Variants in CNOT2 observed in about 807,000 individuals in gnomAD.
CNOT2 encodes the protein CCR4-NOT transcription complex subunit 2, also known as CC chemokine receptor 4-negative regulator of transcription 2.
CNOT2 carries 7 observed loss-of-function variants against 72.1 expected under a neutral mutation model. The observed-to-expected ratio is 0.10, with a 90% CI of 0.06 to 0.18. The LOEUF (loss-of-function observed/expected upper bound fraction) is 0.18. Among genes scored for constraint, CNOT2 ranks in the 10% least tolerant of loss-of-function variants. The pLI is 1.00. For missense variants in CNOT2, 345 were observed against 660.3 expected, an observed-to-expected ratio of 0.52 and a Z score of 5.23; for synonymous variants, 196 against 225.6, an observed-to-expected ratio of 0.87 and a Z score of 1.17.
intron 15 of CNOT2, among the ~76,000 whole-genome samples, chr12:70,351,334 T>C (rs1176967125): frequency 1.3e-5 from 2 of 152,098 alleles, no homozygotes; most frequent in African/African-American, 2.4e-5. Context: ...ATGTATGAGG[T>C]TGTGCATGTG....
In CNOT2 at chr12:70,278,168, C is replaced by T; in HGVS notation, c.-59C>T. 7.5e-7 allele frequency: 1 copy of T among 1,337,870 alleles called. No homozygotes were observed. The highest frequency in any genetic ancestry group is 1.1e-6 in the Non-Finnish European group (1 of 934,520). 82.9% of individuals were successfully genotyped at this position (1,337,870 alleles called of 1,614,324 possible). The stretch of plus-strand genomic sequence containing the variant: ...GTGGGCGGTCCTTCCTGTGACACGA[C>T]CCTTGAGTGACAGTTCTATTTGATT... On this transcript the variant is annotated 5_prime_UTR_variant, in exon 2 of 16. Transcript: ENST00000229195.
At chr12:70,262,933 A>C (rs200818958) in intron 1 of CNOT2, among the ~76,000 whole-genome samples, 31,469 of 151,910 alleles carry the variant, frequency 0.21, 3,578 homozygotes, top group African/African-American at 0.3. Context: ...TCGGCCTCTC[A>C]AAGTACTGAG....
chr12:70,262,661 T>G (rs546631153), intron 1 of CNOT2, among the ~76,000 whole-genome samples: 2 of 151,820 alleles, frequency 1.3e-5, no homozygotes, highest in East Asian at 1.9e-4. Flanking sequence ...TTATTTTGCC[T>G]TATTTTTTTT....
At chr12:70,267,479 T>C (rs184594088) in intron 1 of CNOT2, among the ~76,000 whole-genome samples, 30 of 152,348 alleles carry the variant, frequency 2.0e-4, no homozygotes, top group Non-Finnish European at 1.0e-4. Context: ...CCAGTATGAC[T>C]TCCTGTTAAT....
chr12:70,278,302 C>T (rs369177196), intron 2 of CNOT2, 28 bp downstream of exon 2: 218 of 1,515,944 alleles, frequency 1.4e-4, no homozygotes, highest in South Asian at 1.0e-3. Flanking sequence ...TCTTTTTTCT[C>T]TATTGGTCTT....
chr12:70,288,454 T>G (rs1247881946), intron 2 of CNOT2, among the ~76,000 whole-genome samples: 2 of 152,110 alleles, frequency 1.3e-5, no homozygotes, highest in African/African-American at 4.8e-5. Context: ...TCAGCCAGGG[T>G]GTAACATTTT....
chr12:70,308,853 T>G (rs1368503266), intron 2 of CNOT2, among the ~76,000 whole-genome samples: 1 of 152,192 alleles, frequency 6.6e-6, no homozygotes, highest in Non-Finnish European at 1.5e-5. Flanking sequence ...TTTATGTGTA[T>G]AAAATTTGAT....
At chr12:70,287,639 T>A (rs1871136328) in intron 2 of CNOT2, among the ~76,000 whole-genome samples, 1 of 150,178 alleles carries the variant, frequency 6.7e-6, no homozygotes, top group Admixed American at 6.8e-5. Flanking sequence ...TATGTACATC[T>A]TATGTATCCA....
chr12:70,303,626 CT>C (rs891539143), intron 2 of CNOT2, among the ~76,000 whole-genome samples: 18 of 152,282 alleles, frequency 1.2e-4, no homozygotes, highest in African/African-American at 4.3e-4. Context: ...GTAACCCGAC[CT>C]TTCTCTCTGG....
At chr12:70,251,693 T>A (rs1469943636) in intron 1 of CNOT2, among the ~76,000 whole-genome samples, 1 of 152,226 alleles carries the variant, frequency 6.6e-6, no homozygotes, top group Non-Finnish European at 1.5e-5. Context: ...TTAAACAAAT[T>A]GAGTACTTTG....
chr12:70,328,552 AAAAT>A (rs1228878536), intron 4 of CNOT2, among the ~76,000 whole-genome samples: 12 of 151,916 alleles, frequency 7.9e-5, no homozygotes, highest in African/African-American at 2.4e-4. Context: ...AAAAGGGAAA[AAAAT>A]AAACGTATGC....
At chr12:70,346,706 C>G (rs1004929046) in intron 15 of CNOT2, 1 of 155,148 alleles carries the variant, frequency 6.4e-6, no homozygotes, top group Non-Finnish European at 1.4e-5. Flanking sequence ...GCTTTTTACA[C>G]TTGGACTAGT....
intron 1 of CNOT2, among the ~76,000 whole-genome samples, chr12:70,266,251 G>T (rs1959038511): frequency 6.6e-6 from 1 of 151,892 alleles, no homozygotes; most frequent in African/African-American, 2.4e-5. Context: ...AGCCTCCCCA[G>T]TAGCTAGAAT....
At chr12:70,326,615 G>T (rs1879119030) in intron 4 of CNOT2, among the ~76,000 whole-genome samples, 1 of 151,328 alleles carries the variant, frequency 6.6e-6, no homozygotes, top group Non-Finnish European at 1.5e-5. Flanking sequence ...CAAAGTTAAT[G>T]ACTTAGTATA....
In CNOT2 at chr12:70,297,201, G is replaced by A. The variant is rs376712846; in HGVS notation, c.49-13694G>A. ...TTGTTGATATTGAATATGGAATTCAGAGAGAAAATAAGAACTCAAATTCTA... is the reference window on the plus strand; with the variant it reads ...TTGTTGATATTGAATATGGAATTCAAAGAGAAAATAAGAACTCAAATTCTA... On this transcript the variant is annotated intron_variant, in intron 2 of 15. Transcript: ENST00000229195. Among the ~76,000 whole-genome samples, 137 of 152,332 alleles carry A rather than the reference G, an allele frequency of 9.0e-4. 1 individual carries two copies. In the South Asian group the frequency reaches 0.028, roughly 31 times the overall value.
At position 70,265,321 on chromosome 12, in the gene CNOT2, T is replaced by TTCTCTTCTCTTCTCTTCTCTTCTCG. The variant is rs796521434; in HGVS notation, c.-95-12805_-95-12804insCTCTTCTCTTCTCTTCTCGTCTCTT. The stretch of plus-strand genomic sequence containing the variant: ...TTCTCTTCTCTTCTCTTCTCTTCTC[T>TTCTCTTCTCTTCTCTTCTCTTCTCG]TCTCTTTCTTTCTTTTTTCTTTCTT... On this transcript the variant is annotated intron_variant, in intron 1 of 15. Coordinates refer to ENST00000229195, the MANE Select transcript of CNOT2 (RefSeq NM_014515.7). Among the ~76,000 whole-genome samples, 1,057 of 146,784 alleles carry TTCTCTTCTCTTCTCTTCTCTTCTCG rather than the reference T, an allele frequency of 7.2e-3. 13 individuals carry two copies. The highest frequency in any genetic ancestry group is 0.023 in the East Asian group (113 of 5,018).
chr12:70,343,348 T>C (rs1048913221), intron 13 of CNOT2, among the ~76,000 whole-genome samples: 9 of 152,150 alleles, frequency 5.9e-5, no homozygotes, highest in African/African-American at 2.2e-4. Context: ...AAAAATGTTG[T>C]TTTGGGACAC....
chr12:70,338,347 A>G, intron 9 of CNOT2, 96 bp from the exon 10 acceptor site: 1 of 1,026,334 alleles, frequency 9.7e-7, no homozygotes, highest in Admixed American at 2.7e-5. Flanking sequence ...TACCAATTTA[A>G]ATGTAATAAA....
intron 5 of CNOT2, among the ~76,000 whole-genome samples, chr12:70,329,814 G>A (rs1278370385): frequency 6.6e-6 from 1 of 151,870 alleles, no homozygotes; most frequent in Non-Finnish European, 1.5e-5. Flanking sequence ...CATTTCCTGG[G>A]GAGCTTTTTC....
Sources: gnomAD v4.1 joint callset for allele counts (sites outside exome capture counted in the v4.1 genomes callset) on GRCh38, gnomAD v4.1.1 for gene constraint, MANE v1.5 for transcripts, NCBI Gene and HGNC (gene_info 2026-07-23, HGNC 2026-07-21) for gene names.